Variants in KCNH7 observed in about 807,000 individuals in gnomAD.
KCNH7 encodes the protein voltage-gated inwardly rectifying potassium channel KCNH7.
Under a neutral mutation model 120.8 loss-of-function variants are expected in KCNH7, and 49 were observed. That is an observed-to-expected ratio of 0.41 (90% confidence interval 0.32 to 0.51). The LOEUF is 0.51. KCNH7 is among the 20% of genes least tolerant of loss of function. The pLI is 0.38. For missense variants in KCNH7, 1,097 were observed against 1,446.6 expected (o/e 0.76, Z 3.92); for synonymous variants, 547 against 516.1 (o/e 1.06, Z -0.81).
intron 2 of KCNH7, among the ~76,000 whole-genome samples, chr2:162,594,475 G>C (rs939381641): frequency 1.3e-5 from 2 of 151,960 alleles, no homozygotes; most frequent in Non-Finnish European, 1.5e-5. Context: ...CAGCATTACT[G>C]TAATAACACA....
chr2:162,560,615 C>A (rs1404128999), intron 2 of KCNH7, among the ~76,000 whole-genome samples: 2 of 152,128 alleles, frequency 1.3e-5, no homozygotes, highest in Admixed American at 1.3e-4. Flanking sequence ...AGTTTTATGT[C>A]TTTGAATGAG....
intron 13 of KCNH7, 48 bp from the exon 14 acceptor site, chr2:162,380,069 GC>G (rs762427707): frequency 6.3e-7 from 1 of 1,589,730 alleles, no homozygotes; most frequent in East Asian, 2.2e-5. Context: ...GTGCCCCTTT[GC>G]GTCAATAATT....
chr2:162,722,956 A>G (rs1395192808), intron 2 of KCNH7, among the ~76,000 whole-genome samples: 1 of 151,224 alleles, frequency 6.6e-6, no homozygotes, highest in Admixed American at 6.6e-5. Context: ...CTTCAGATCC[A>G]AAATTCTGTT....
At chr2:162,491,515 G>C (rs1341858342) in intron 6 of KCNH7, among the ~76,000 whole-genome samples, 2 of 152,114 alleles carry the variant, frequency 1.3e-5, no homozygotes, top group Non-Finnish European at 2.9e-5. Context: ...TTCATAGATA[G>C]AGGTCATGCT....
intron 2 of KCNH7, among the ~76,000 whole-genome samples, chr2:162,766,571 G>A (rs1057181862): frequency 6.6e-6 from 1 of 152,102 alleles, no homozygotes. Context: ...AGAACTGTTT[G>A]TTTGATTCCT....
intron 14 of KCNH7, among the ~76,000 whole-genome samples, chr2:162,377,011 T>C (rs1296820748): frequency 6.6e-6 from 1 of 152,176 alleles, no homozygotes; most frequent in African/African-American, 2.4e-5. Flanking sequence ...ACTTAATATG[T>C]GTATTTGAAT....
At chr2:162,434,247 G>A (rs750554976) in intron 8 of KCNH7, among the ~76,000 whole-genome samples, 5 of 152,004 alleles carry the variant, frequency 3.3e-5, no homozygotes, top group Non-Finnish European at 5.9e-5. Context: ...TAAAGGGATG[G>A]GGGCAAGGAC....
chr2:162,584,294 T>A (rs904672176), intron 2 of KCNH7, among the ~76,000 whole-genome samples: 1 of 152,150 alleles, frequency 6.6e-6, no homozygotes. Flanking sequence ...ATCATCTATA[T>A]CTTATGTCCA....
At chr2:162,722,617 C>T (rs1226541602) in intron 2 of KCNH7, among the ~76,000 whole-genome samples, 1 of 151,902 alleles carries the variant, frequency 6.6e-6, no homozygotes, top group Non-Finnish European at 1.5e-5. Context: ...TGTTGAACTT[C>T]CTAGATGTGA....
chr2:162,438,716 A>G (rs1409532596), intron 7 of KCNH7, among the ~76,000 whole-genome samples: 2 of 152,148 alleles, frequency 1.3e-5, no homozygotes, highest in Non-Finnish European at 2.9e-5. Flanking sequence ...CCTTACTTCT[A>G]TTGTTATCAA....
intron 2 of KCNH7, among the ~76,000 whole-genome samples, chr2:162,756,763 C>G (rs898890272): frequency 3.3e-5 from 5 of 152,180 alleles, no homozygotes; most frequent in Non-Finnish European, 7.4e-5. Context: ...GTGCCTGGCC[C>G]TGAAATTGCT....
At chr2:162,566,170 C>A (rs901572056) in intron 2 of KCNH7, among the ~76,000 whole-genome samples, 8 of 152,000 alleles carry the variant, frequency 5.3e-5, no homozygotes, top group South Asian at 4.2e-4. Flanking sequence ...TTTCCTCCTC[C>A]TCAAAAAAAA....
intron 5 of KCNH7, among the ~76,000 whole-genome samples, chr2:162,510,195 C>G (rs914287811): frequency 6.6e-6 from 1 of 151,444 alleles, no homozygotes; most frequent in South Asian, 2.1e-4. Context: ...TAACAAAGAA[C>G]TTTGAAATGT....
intron 3 of KCNH7, among the ~76,000 whole-genome samples, chr2:162,522,145 T>C (rs1691553185): frequency 6.6e-6 from 1 of 151,948 alleles, no homozygotes; most frequent in Admixed American, 6.6e-5. Flanking sequence ...GCTCAAGTAA[T>C]TGCCAAGTTG....
intron 3 of KCNH7, among the ~76,000 whole-genome samples, chr2:162,532,181 TA>T (rs1413824927): frequency 6.6e-6 from 1 of 151,908 alleles, no homozygotes; most frequent in Non-Finnish European, 1.5e-5. Flanking sequence ...GGGAATTTGC[TA>T]ATACAAGCAT....
intron 6 of KCNH7, among the ~76,000 whole-genome samples, chr2:162,466,682 G>A (rs977801728): frequency 6.6e-6 from 1 of 152,176 alleles, no homozygotes; most frequent in African/African-American, 2.4e-5. Flanking sequence ...ATTTTGTGTA[G>A]TGTTACTTCA....
chr2:162,424,705 T>G (rs1687804472), intron 8 of KCNH7, among the ~76,000 whole-genome samples: 1 of 152,236 alleles, frequency 6.6e-6, no homozygotes, highest in Non-Finnish European at 1.5e-5. Flanking sequence ...TATGCTTTCC[T>G]GGGCACTTGC....
intron 2 of KCNH7, among the ~76,000 whole-genome samples, chr2:162,624,511 C>G (rs1405151435): frequency 6.6e-6 from 1 of 152,148 alleles, no homozygotes; most frequent in Admixed American, 6.5e-5. Context: ...CCTAGAAATG[C>G]ATGGTGTAAA....
intron 2 of KCNH7, among the ~76,000 whole-genome samples, chr2:162,620,680 C>T (rs1167788063): frequency 6.6e-6 from 1 of 152,088 alleles, no homozygotes; most frequent in Non-Finnish European, 1.5e-5. Context: ...TATGGGGTCT[C>T]ACAGATTCTC....
Sources: gnomAD v4.1 joint callset for allele counts (sites outside exome capture counted in the v4.1 genomes callset) on GRCh38, gnomAD v4.1.1 for gene constraint, MANE v1.5 for transcripts, NCBI Gene and HGNC (gene_info 2026-07-23, HGNC 2026-07-21) for gene names.